Variants in DLGAP2 observed in about 807,000 individuals in gnomAD.
DLGAP2 encodes disks large-associated protein 2.
Under a neutral mutation model 100.3 loss-of-function variants are expected in DLGAP2, and 26 were observed. The ratio of observed to expected loss-of-function variants is 0.26; its 90% CI spans 0.19 to 0.36. DLGAP2 has a LOEUF of 0.36. Ranked by LOEUF, DLGAP2 falls within the 10% of genes least tolerant of loss-of-function variation. DLGAP2 has a pLI of 1.00. For missense variants in DLGAP2, 1,858 were observed against 1,453.2 expected, an observed-to-expected ratio of 1.28 and a Z score of -4.53; for synonymous variants, 886 against 630.1, an observed-to-expected ratio of 1.41 and a Z score of -6.08.
At chr8:874,326 A>G (rs1038485033) in intron 1 of DLGAP2, among the ~76,000 whole-genome samples, 18 of 151,822 alleles carry the variant, frequency 1.2e-4, no homozygotes, top group African/African-American at 4.4e-4. Flanking sequence ...TTTTTCCTTC[A>G]TAGAAGCATT....
intron 2 of DLGAP2, among the ~76,000 whole-genome samples, chr8:1,230,044 T>A (rs892655435): frequency 3.9e-5 from 6 of 152,050 alleles, no homozygotes; most frequent in African/African-American, 1.2e-4. Context: ...GTAAAAGACA[T>A]CCAAATAATA....
chr8:1,570,607 G>A (rs976166523), intron 6 of DLGAP2, among the ~76,000 whole-genome samples: 1 of 152,250 alleles, frequency 6.6e-6, no homozygotes, highest in Admixed American at 6.5e-5. Flanking sequence ...GAGGCTGGCT[G>A]TGGAGGCGTC....
intron 2 of DLGAP2, among the ~76,000 whole-genome samples, chr8:1,161,254 A>G (rs889112906): frequency 6.6e-6 from 1 of 152,184 alleles, no homozygotes; most frequent in Non-Finnish European, 1.5e-5. Flanking sequence ...GGTTTTAAAT[A>G]CACAAGCTGA....
intron 2 of DLGAP2, among the ~76,000 whole-genome samples, chr8:917,215 A>G (rs1411924505): frequency 8.3e-6 from 1 of 120,628 alleles, no homozygotes; most frequent in Non-Finnish European, 1.7e-5. Flanking sequence ...CCCTCCCTCC[A>G]TCCCTCCCTC....
intron 3 of DLGAP2, among the ~76,000 whole-genome samples, chr8:1,437,878 C>G (rs1797696358): frequency 6.7e-6 from 1 of 149,796 alleles, no homozygotes; most frequent in Non-Finnish European, 1.5e-5. Flanking sequence ...CCCAGCTACT[C>G]GGGAGGCTGA....
chr8:1,362,876 T>C (rs547347077), intron 3 of DLGAP2, among the ~76,000 whole-genome samples: 2 of 152,318 alleles, frequency 1.3e-5, no homozygotes, highest in East Asian at 1.9e-4. Context: ...CTAGTTTCTC[T>C]TGTCTTTTCC....
At chr8:1,382,775 T>G (rs576699855) in intron 3 of DLGAP2, among the ~76,000 whole-genome samples, 9 of 152,238 alleles carry the variant, frequency 5.9e-5, no homozygotes, top group African/African-American at 2.2e-4. Context: ...TGTGTATAGT[T>G]TACATTGATT....
chr8:1,544,921 TG>T (rs1368155284), intron 4 of DLGAP2, among the ~76,000 whole-genome samples: 1 of 151,950 alleles, frequency 6.6e-6, no homozygotes, highest in African/African-American at 2.4e-5. Flanking sequence ...TTAGTAGAGA[TG>T]GGGTTTCACC....
At chr8:1,266,072 G>A (rs1799444550) in intron 3 of DLGAP2, among the ~76,000 whole-genome samples, 1 of 152,200 alleles carries the variant, frequency 6.6e-6, no homozygotes, top group South Asian at 2.1e-4. Context: ...GGACACCCTT[G>A]TCTGAGGACA....
chr8:1,160,944 C>T (rs1360861191), intron 2 of DLGAP2, among the ~76,000 whole-genome samples: 1 of 152,192 alleles, frequency 6.6e-6, no homozygotes, highest in Non-Finnish European at 1.5e-5. Flanking sequence ...TTATTTTACC[C>T]CATAGCTGTG....
chr8:1,361,565 G>C (rs1801982623), intron 3 of DLGAP2, among the ~76,000 whole-genome samples: 1 of 152,204 alleles, frequency 6.6e-6, no homozygotes, highest in Non-Finnish European at 1.5e-5. Context: ...GATTGTTTTA[G>C]AAAAATGATG....
At chr8:1,283,298 G>A (rs1297731233) in intron 3 of DLGAP2, among the ~76,000 whole-genome samples, 1 of 151,816 alleles carries the variant, frequency 6.6e-6, no homozygotes, top group Non-Finnish European at 1.5e-5. Context: ...CCTGAACCCA[G>A]CACGTGAACC....
intron 3 of DLGAP2, among the ~76,000 whole-genome samples, chr8:1,345,035 C>T (rs1048480240): frequency 2.0e-5 from 3 of 152,198 alleles, no homozygotes; most frequent in Admixed American, 2.0e-4. Context: ...ATTCATCTTT[C>T]AGAGGAATCA....
At chr8:1,582,417 G>T (rs957510793) in intron 6 of DLGAP2, among the ~76,000 whole-genome samples, 6 of 151,454 alleles carry the variant, frequency 4.0e-5, no homozygotes, top group African/African-American at 9.7e-5. Flanking sequence ...CCAGAACACC[G>T]TAAAGTGACA....
intron 3 of DLGAP2, among the ~76,000 whole-genome samples, chr8:1,276,588 C>T (rs990584830): frequency 1.4e-4 from 21 of 152,086 alleles, no homozygotes; most frequent in African/African-American, 4.6e-4. Context: ...GGTTTGAGTA[C>T]ACGATGACCA....
At chr8:807,042 T>A (rs1796284101) in intron 1 of DLGAP2, among the ~76,000 whole-genome samples, 1 of 152,144 alleles carries the variant, frequency 6.6e-6, no homozygotes, top group South Asian at 2.1e-4. Flanking sequence ...CTCAAATAAT[T>A]CTTGACTGAA....
chr8:937,986 T>TA (rs1307866702), intron 2 of DLGAP2, among the ~76,000 whole-genome samples: 1 of 152,146 alleles, frequency 6.6e-6, no homozygotes, highest in Non-Finnish European at 1.5e-5. Context: ...CAGCAGTTCT[T>TA]ACTCTCATAT....
chr8:1,312,233 G>C (rs75782779), intron 3 of DLGAP2, among the ~76,000 whole-genome samples: 5,078 of 152,222 alleles, frequency 0.033, 142 homozygotes, highest in Middle Eastern at 0.099. Flanking sequence ...TAAAACACAG[G>C]GTCTAGAATT....
At chr8:1,506,965 T>G (rs998674955) in intron 4 of DLGAP2, among the ~76,000 whole-genome samples, 19 of 152,242 alleles carry the variant, frequency 1.2e-4, no homozygotes, top group African/African-American at 4.1e-4. Context: ...CCCACCAGAT[T>G]AGCTAGATAC....
Sources: allele counts gnomAD v4.1 joint callset (sites outside exome capture counted in the v4.1 genomes callset), GRCh38; gene constraint gnomAD v4.1.1; transcripts MANE v1.5; gene names NCBI Gene and HGNC (gene_info 2026-07-23, HGNC 2026-07-21).